ARRDC3: variants seen among roughly 807,000 people sequenced by gnomAD.
ARRDC3 encodes arrestin domain containing 3.
ARRDC3 carries 10 observed loss-of-function variants against 47.2 expected under a neutral mutation model. That is an observed-to-expected ratio of 0.21 (90% CI 0.13 to 0.36). ARRDC3 has a LOEUF of 0.36. Among genes scored for constraint, ARRDC3 ranks in the 10% least tolerant of loss-of-function variants. The pLI, the probability that ARRDC3 is intolerant of heterozygous loss-of-function variation, is 1.00. For missense variants in ARRDC3, 381 were observed against 503.6 expected, an observed-to-expected ratio of 0.76 and a Z score of 2.33; for synonymous variants, 156 against 178.3, an observed-to-expected ratio of 0.87 and a Z score of 1.00.
chr5:91,377,703 T>A (rs1010035553), intron 2 of ARRDC3, among the ~76,000 whole-genome samples: 8 of 152,024 alleles, frequency 5.3e-5, no homozygotes, highest in Non-Finnish European at 8.8e-5. Context: ...AACTTTAACA[T>A]TAAATGACGC....
intron 7 of ARRDC3, among the ~76,000 whole-genome samples, chr5:91,372,548 T>C (rs1799200810): frequency 6.6e-6 from 1 of 152,110 alleles, no homozygotes; most frequent in Admixed American, 6.6e-5. Context: ...AATGACAAAA[T>C]CTGTAACAAG....
chr5:91,371,008 G>GAAAAAAAAAAAAAAAAAAAAAAAAA lies in ARRDC3; in HGVS notation c.*391_*392insTTTTTTTTTTTTTTTTTTTTTTTTT, dbSNP rs767515801. 1.3e-5 allele frequency: 1 copy of GAAAAAAAAAAAAAAAAAAAAAAAAA among 77,680 alleles called. No individual in the cohort carries two copies. The highest frequency in any genetic ancestry group is 4.2e-5 in the African/African-American group (1 of 23,888). 4.8% of individuals were successfully genotyped at this position (77,680 alleles called of 1,614,324 possible). ...GAGTATCAAGAGTCTGGCAAAAATA[G>GAAAAAAAAAAAAAAAAAAAAAAAAA]AAAAAAAAAAAAAAAAAAAAAGAAG... On this transcript the variant is annotated 3_prime_UTR_variant, in exon 8 of 8. Coordinates refer to ENST00000265138, the MANE Select transcript of ARRDC3 (RefSeq NM_020801.4).
intron 1 of ARRDC3, among the ~76,000 whole-genome samples, 171 bp downstream of exon 1, chr5:91,382,642 T>C: frequency 6.6e-6 from 1 of 152,234 alleles, no homozygotes; most frequent in Admixed American, 6.5e-5. Flanking sequence ...CCTGCATGCA[T>C]TACGGCTTAA....
Position 91,370,166 on chromosome 5 carries a change from A to G in ARRDC3, c.*1234T>C, listed in dbSNP as rs1799136660. 6.6e-6 allele frequency: 1 copy of G among 152,356 alleles called. No individual in the cohort carries two copies. Among genetic ancestry groups the G allele is most frequent in the Admixed American group, 6.5e-5 (1 of 15,270 alleles). 9.4% of individuals were successfully genotyped at this position (152,356 alleles called of 1,614,324 possible). On this transcript the variant is annotated 3_prime_UTR_variant, in exon 8 of 8. Coordinates refer to ENST00000265138, the MANE Select transcript of ARRDC3 (RefSeq NM_020801.4). ...TGTATGTATTCCTGCTCATTAATAT[A>G]CTTTGCACCAGCAAAAGCGATTTCC... is the stretch of plus-strand genomic sequence containing the variant.
chr5:91,377,535 G>A (rs1226707032), intron 2 of ARRDC3, among the ~76,000 whole-genome samples: 1 of 151,036 alleles, frequency 6.6e-6, no homozygotes, highest in East Asian at 1.9e-4. Flanking sequence ...AAGAGTGCTA[G>A]CTTAGATTAG....
chr5:91,371,956 T>C (rs1799187653), intron 7 of ARRDC3, among the ~76,000 whole-genome samples: 2 of 152,114 alleles, frequency 1.3e-5, no homozygotes. Context: ...ACAATTTGTT[T>C]ACTCACATGA....
At chr5:91,375,371 A>G (rs2127070155) in intron 4 of ARRDC3, 140 bp downstream of exon 4, 1 of 892,330 alleles carries the variant, frequency 1.1e-6, no homozygotes, top group Non-Finnish European at 1.7e-6. Flanking sequence ...CTACTTTGTG[A>G]AAAAAACAAA....
rs1799367584 is a variant in ARRDC3 at position 91,378,793 on chromosome 5, AG to A, written c.281-19del. ...ATCATCATCTAAAACAAACATAAAA[AG>A]AAAACAAAGAATTTATTATTCAACA... On this transcript the variant is annotated intron_variant, in intron 1 of 7. Transcript: ENST00000265138. The A allele has an allele frequency of 6.6e-7, 1 of 1,503,816 alleles. No homozygotes were observed. Among genetic ancestry groups the A allele is most frequent in the African/African-American group, 1.4e-5 (1 of 70,980 alleles). 93.2% of individuals were successfully genotyped at this position (1,503,816 alleles called of 1,614,324 possible).
At chr5:91,371,757 A>G (rs1799183061) in intron 7 of ARRDC3, among the ~76,000 whole-genome samples, 2 of 152,178 alleles carry the variant, frequency 1.3e-5, no homozygotes, top group African/African-American at 4.8e-5. Flanking sequence ...GTGAATGAAG[A>G]CTTTTACTCA....
At position 91,376,690 on chromosome 5, in the gene ARRDC3, T is replaced by C. The variant is rs1799311001; in HGVS notation, c.441A>G (p.Leu147=). ...ATTCCTTCTTTAATTTTACTGGTAG[T>C]AGCCAAGGCCTGTGCAATTCGGCTT... ...WVKAELHRPW[L]LPVKLKKEFT... Residue 147 remains leucine (L), a synonymous_variant, in exon 3 of 8, where the codon CTA becomes CTG. Transcript: ENST00000265138. 3 of 1,613,896 alleles carry C rather than the reference T, an allele frequency of 1.9e-6. No individual in the cohort carries two copies. Among genetic ancestry groups the C allele is most frequent in the Non-Finnish European group, 2.5e-6 (3 of 1,179,830 alleles).
chr5:91,373,512 T>C (rs1357502575), intron 7 of ARRDC3, among the ~76,000 whole-genome samples, 172 bp downstream of exon 7: 1 of 152,204 alleles, frequency 6.6e-6, no homozygotes, highest in African/African-American at 2.4e-5. Flanking sequence ...TACCTCTGCA[T>C]CAAACTTAGT....
At chr5:91,380,239 C>T (rs1160669745) in intron 1 of ARRDC3, 1 of 164,610 alleles carries the variant, frequency 6.1e-6, no homozygotes, top group Non-Finnish European at 1.3e-5. Context: ...CCGCTGCCGC[C>T]CGCGCGCCCC....
intron 5 of ARRDC3, 67 bp from the exon 6 acceptor site, chr5:91,374,343 C>A (rs1179783574): frequency 2.8e-6 from 4 of 1,421,630 alleles, no homozygotes; most frequent in Admixed American, 4.1e-5. Flanking sequence ...AAACTCATAA[C>A]CAATTTTAAT....
intron 2 of ARRDC3, 91 bp from the exon 3 acceptor site, chr5:91,376,859 T>C: frequency 8.2e-7 from 1 of 1,224,984 alleles, no homozygotes; most frequent in Non-Finnish European, 1.1e-6. Context: ...ATATATTGTA[T>C]TGTTTATGTT....
At position 91,370,139 on chromosome 5, in the gene ARRDC3, A is replaced by G. The variant is rs1192328726; in HGVS notation, c.*1261T>C. ...AATTGAGCTCTCTATTCATAACCTC[A>G]ATGTATGTATTCCTGCTCATTAATA... is the stretch of plus-strand genomic sequence containing the variant. On this transcript the variant is annotated 3_prime_UTR_variant, in exon 8 of 8. Coordinates refer to ENST00000265138, the MANE Select transcript of ARRDC3 (RefSeq NM_020801.4). 1 of 152,232 alleles carries G rather than the reference A, an allele frequency of 6.6e-6. No individual in the cohort carries two copies. Among genetic ancestry groups the G allele is most frequent in the Non-Finnish European group, 1.5e-5 (1 of 68,014 alleles). The allele number at this position is 152,232 out of a possible 1,614,324, so 9.4% of individuals were successfully genotyped here. A position where few individuals can be genotyped will look rare whatever the true frequency, so the allele number is the denominator to read the frequency against.
chr5:91,373,858 G>A lies in ARRDC3; in HGVS notation c.1034-20C>T, dbSNP rs138725543. On this transcript the variant is annotated intron_variant, in intron 6 of 7. Transcript: ENST00000265138. ...GTGGTGCTGAAGGAAAAAGATACAC[G>A]CAATTCGAACAGCATGTTCTTATGC... 1.5e-4 allele frequency: 246 copies of A among 1,613,290 alleles called. 2 individuals are homozygous for A. The highest frequency in any genetic ancestry group is 1.0e-3 in the Admixed American group (61 of 59,954).
rs753790561 is a variant in ARRDC3 at position 91,375,054 on chromosome 5, A to G, written c.738T>C (p.Leu246=). The G allele has an allele frequency of 6.2e-7, 1 of 1,614,222 alleles. No homozygotes were observed. The highest frequency in any genetic ancestry group is 8.5e-7 in the Non-Finnish European group (1 of 1,180,030). Residue 246 remains leucine (L), a synonymous_variant, in exon 5 of 8, where the codon CTT becomes CTC. Transcript: ENST00000265138. ...AGGATTCCCCACGCAAGTTAGCCAC[A>G]AGCTGTTTTACTTCCTTCATTTTCC... is the stretch of plus-strand genomic sequence containing the variant. ...AKGKMKEVKQ[L]VANLRGESLS... is the part of the protein sequence containing the mutation.
At position 91,373,637 on chromosome 5, in the gene ARRDC3, T is replaced by C. The variant is rs374438966; in HGVS notation, c.1188+47A>G. The C allele has an allele frequency of 1.5e-5, 23 of 1,544,054 alleles. No homozygotes were observed. In the African/African-American group the frequency reaches 3.0e-4, roughly 20 times the overall value. ...GAAAAAAAAATGCCTGCAATGCTAT[T>C]TCCCAAGATAGCCAGTTCATTTCAT... On this transcript the variant is annotated intron_variant, in intron 7 of 7. Coordinates refer to ENST00000265138, the MANE Select transcript of ARRDC3 (RefSeq NM_020801.4).
rs557142213 is a variant in ARRDC3 at position 91,374,316 on chromosome 5, T to C, written c.871-40A>G. 116 of 1,550,246 alleles carry C rather than the reference T, an allele frequency of 7.5e-5. 1 individual carries two copies. In the South Asian group the frequency reaches 1.3e-3, roughly 17 times the overall value. On this transcript the variant is annotated intron_variant, in intron 5 of 7. Transcript: ENST00000265138. ...GAAATATTAAGTTTAGAATGCCAAG[T>C]ATGATTTCCTTTTCAAAAACTCATA...
Sources: gnomAD v4.1 joint callset for allele counts (sites outside exome capture counted in the v4.1 genomes callset) on GRCh38, gnomAD v4.1.1 for gene constraint, MANE v1.5 for transcripts, NCBI Gene and HGNC (gene_info 2026-07-23, HGNC 2026-07-21) for gene names.